The following FSTL4 variants were observed in gnomAD, a reference collection of about 807,000 sequenced individuals.
FSTL4 encodes the protein follistatin like 4.
A neutral mutation model predicts 78.2 loss-of-function variants in FSTL4; 28 were observed. That is an observed-to-expected ratio of 0.36 (90% confidence interval 0.27 to 0.49). The LOEUF (loss-of-function observed/expected upper bound fraction) is 0.49. FSTL4 is among the 20% of genes least tolerant of loss of function. The pLI is 0.98. For missense variants in FSTL4, 922 were observed against 1,084.9 expected, an observed-to-expected ratio of 0.85 and a Z score of 2.11; for synonymous variants, 422 against 440.5, an observed-to-expected ratio of 0.96 and a Z score of 0.53.
At chr5:133,478,551 A>G (rs1040954970) in intron 3 of FSTL4, among the ~76,000 whole-genome samples, 2 of 152,212 alleles carry the variant, frequency 1.3e-5, no homozygotes, top group African/African-American at 4.8e-5. Flanking sequence ...TTCTTCTGTG[A>G]GTTTCTCTCT....
chr5:133,820,072 C>T, the FSTL4 span, among the ~76,000 whole-genome samples: 4 of 152,194 alleles, frequency 2.6e-5, no homozygotes, highest in East Asian at 1.9e-4. Flanking sequence ...CAGCACGGCA[C>T]GGCGCAGGTT....
intron 7 of FSTL4, chr5:133,244,252 C>A (rs974050757): frequency 2.6e-5 from 4 of 152,344 alleles, no homozygotes; most frequent in Admixed American, 6.5e-5. Flanking sequence ...GGGGCAAAGT[C>A]TCCCCTTCTA....
chr5:133,318,621 T>C (rs979153463), intron 4 of FSTL4, among the ~76,000 whole-genome samples: 19 of 152,192 alleles, frequency 1.2e-4, no homozygotes, highest in Admixed American at 2.0e-4. Context: ...GGGGCATTTA[T>C]ACCCAGATAC....
chr5:133,613,173 C>T (rs763121713), upstream of FSTL4, among the ~76,000 whole-genome samples: 8 of 152,206 alleles, frequency 5.3e-5, no homozygotes, highest in Non-Finnish European at 1.0e-4. Flanking sequence ...CCTGGGGCTC[C>T]CAAACTTTTC....
At chr5:133,771,182 G>A in the FSTL4 span, among the ~76,000 whole-genome samples, 1 of 151,708 alleles carries the variant, frequency 6.6e-6, no homozygotes, top group Non-Finnish European at 1.5e-5. Flanking sequence ...GTTCTTTTTG[G>A]TGAGGTTTTT....
upstream of FSTL4, among the ~76,000 whole-genome samples, chr5:133,615,295 C>T (rs746285405): frequency 2.3e-4 from 35 of 152,200 alleles, no homozygotes; most frequent in Admixed American, 1.3e-3. Context: ...CATAATTTAA[C>T]GTTCTGCTGC....
intron 11 of FSTL4, among the ~76,000 whole-genome samples, chr5:133,221,595 C>T (rs531411517): frequency 6.6e-6 from 1 of 152,218 alleles, no homozygotes; most frequent in East Asian, 1.9e-4. Context: ...AACTGAGGTC[C>T]AAGGAGGGAA....
At chr5:133,536,343 G>C (rs1759349825) in intron 3 of FSTL4, among the ~76,000 whole-genome samples, 1 of 151,790 alleles carries the variant, frequency 6.6e-6, no homozygotes, top group Non-Finnish European at 1.5e-5. Context: ...TCTATTTTTA[G>C]AACTTGCTTT....
At chr5:133,578,427 C>T (rs925192116) in intron 2 of FSTL4, among the ~76,000 whole-genome samples, 2 of 152,280 alleles carry the variant, frequency 1.3e-5, no homozygotes, top group Admixed American at 6.5e-5. Flanking sequence ...ACAATTGAGG[C>T]GATATCTCAG....
At chr5:133,613,649 G>A (rs1761150795), upstream of FSTL4, among the ~76,000 whole-genome samples, 1 of 152,236 alleles carries the variant, frequency 6.6e-6, no homozygotes, top group Non-Finnish European at 1.5e-5. Context: ...AGCAGTGAAT[G>A]GGCCAGCGCG....
At chr5:133,353,980 G>C (rs751294111) in intron 4 of FSTL4, among the ~76,000 whole-genome samples, 1 of 152,242 alleles carries the variant, frequency 6.6e-6, no homozygotes, top group Non-Finnish European at 1.5e-5. Flanking sequence ...AGAGGTCAAG[G>C]GGTGGGCTTT....
chr5:133,493,252 T>C (rs1758305895), intron 3 of FSTL4, among the ~76,000 whole-genome samples: 1 of 152,220 alleles, frequency 6.6e-6, no homozygotes, highest in Admixed American at 6.5e-5. Flanking sequence ...TCTGCAATTT[T>C]ATGTTGTAGG....
At chr5:133,563,793 C>T (rs1346093402) in intron 3 of FSTL4, among the ~76,000 whole-genome samples, 1 of 152,232 alleles carries the variant, frequency 6.6e-6, no homozygotes, top group Non-Finnish European at 1.5e-5. Flanking sequence ...CTGCATATTA[C>T]ATTCCCTGTT....
rs921786453 is a variant in FSTL4 at position 133,303,650 on chromosome 5, G to T, written c.727+9004C>A. Reference sequence around the variant, plus strand: ...CTTGTTCCCGTGCAGCCCACAAGCTGGGCCTTGTAGTAGTGGTGGTGGGGT... The same window carrying T: ...CTTGTTCCCGTGCAGCCCACAAGCTTGGCCTTGTAGTAGTGGTGGTGGGGT... On this transcript the variant is annotated intron_variant, in intron 6 of 15. Transcript: ENST00000265342. 1.4e-4 allele frequency among the ~76,000 whole-genome samples: 22 copies of T among 152,330 alleles called. No individual in the cohort carries two copies. In the South Asian group the frequency reaches 1.9e-3, roughly 13 times the overall value.
intron 2 of FSTL4, among the ~76,000 whole-genome samples, chr5:133,593,714 C>T (rs78039839): frequency 0.021 from 3,169 of 152,262 alleles, 48 homozygotes; most frequent in Middle Eastern, 0.058. Context: ...AGATGTACTT[C>T]TTTCTAATAA....
At chr5:133,212,680 G>A (rs1281109758) in intron 13 of FSTL4, among the ~76,000 whole-genome samples, 1 of 152,078 alleles carries the variant, frequency 6.6e-6, no homozygotes, top group Admixed American at 6.6e-5. Context: ...AGAGGTGAGA[G>A]AGAACGAGGC....
intron 6 of FSTL4, among the ~76,000 whole-genome samples, chr5:133,301,695 C>A (rs1187064666): frequency 6.6e-6 from 1 of 152,218 alleles, no homozygotes; most frequent in Non-Finnish European, 1.5e-5. Flanking sequence ...ATTGCCCATG[C>A]CATCTGGAGA....
At chr5:133,785,843 C>A in the FSTL4 span, among the ~76,000 whole-genome samples, 3 of 152,278 alleles carry the variant, frequency 2.0e-5, no homozygotes, top group East Asian at 5.8e-4. Context: ...GTCACAATCA[C>A]CTGCCCGTTC....
chr5:133,797,647 C>T, the FSTL4 span, among the ~76,000 whole-genome samples: 300 of 152,150 alleles, frequency 2.0e-3, no homozygotes, highest in Non-Finnish European at 3.3e-3. Flanking sequence ...AGAGGGGGTC[C>T]GTTTAGTCCT....
Sources: allele counts gnomAD v4.1 joint callset (sites outside exome capture counted in the v4.1 genomes callset), GRCh38; gene constraint gnomAD v4.1.1; transcripts MANE v1.5; gene names NCBI Gene and HGNC (gene_info 2026-07-23, HGNC 2026-07-21).